Variants in ADK observed in about 807,000 individuals in gnomAD.
ADK encodes N6,N6-dimethyladenosine kinase.
A neutral mutation model predicts 44.7 loss-of-function variants in ADK; 24 were observed. The ratio of observed to expected loss-of-function variants is 0.54; its 90% CI spans 0.39 to 0.76. ADK has a LOEUF of 0.76. Ranked by LOEUF, ADK falls within the 30% of genes least tolerant of loss-of-function variation. ADK has a pLI of 0.00. For synonymous variants in ADK, 128 were observed against 142.6 expected (o/e 0.90, Z 0.73); for missense variants, 321 against 425.1 (o/e 0.76, Z 2.15).
At chr10:74,289,908 T>C (rs561055775) in intron 3 of ADK, among the ~76,000 whole-genome samples, 1 of 152,028 alleles carries the variant, frequency 6.6e-6, no homozygotes, top group East Asian at 1.9e-4. Context: ...GTAGTACACC[T>C]GAAAATCCAT....
intron 3 of ADK, among the ~76,000 whole-genome samples, chr10:74,289,187 T>A: frequency 6.6e-6 from 1 of 152,212 alleles, no homozygotes; most frequent in East Asian, 1.9e-4. Context: ...TATAGCTTCT[T>A]CTAGGAACTA....
At chr10:74,367,596 C>T (rs535217448) in intron 4 of ADK, among the ~76,000 whole-genome samples, 5 of 152,094 alleles carry the variant, frequency 3.3e-5, no homozygotes, top group Non-Finnish European at 7.3e-5. Flanking sequence ...AACCAGTACT[C>T]GGTGCTTTTG....
At chr10:74,427,786 A>G (rs1172134036) in intron 6 of ADK, among the ~76,000 whole-genome samples, 3 of 151,646 alleles carry the variant, frequency 2.0e-5, no homozygotes, top group African/African-American at 7.3e-5. Context: ...TCTTAGCTCT[A>G]TTGCTGAAAG....
At chr10:74,337,395 G>A (rs931920701) in intron 4 of ADK, among the ~76,000 whole-genome samples, 1 of 152,184 alleles carries the variant, frequency 6.6e-6, no homozygotes, top group African/African-American at 2.4e-5. Flanking sequence ...GTGGTGGGCA[G>A]AGTAGCATTC....
chr10:74,355,409 G>A lies in ADK; in HGVS notation c.274-38732G>A, dbSNP rs142391509. 2.2e-3 allele frequency among the ~76,000 whole-genome samples: 336 copies of A among 152,308 alleles called. 2 individuals carry two copies. Among genetic ancestry groups the A allele is most frequent in the African/African-American group, 7.6e-3 (316 of 41,568 alleles). The stretch of plus-strand genomic sequence containing the variant: ...CAAAATATTTCAGATAGTACATAAC[G>A]TATATACTTAGCCTTGTGCAATCAA... On this transcript the variant is annotated intron_variant, in intron 4 of 10. Coordinates refer to ENST00000539909, the MANE Select transcript of ADK (RefSeq NM_006721.4).
intron 7 of ADK, among the ~76,000 whole-genome samples, chr10:74,558,725 T>C (rs1322956586): frequency 6.6e-6 from 1 of 152,160 alleles, no homozygotes; most frequent in Non-Finnish European, 1.5e-5. Context: ...GAAAAGTAAT[T>C]TGGCTGGCTT....
intron 2 of ADK, among the ~76,000 whole-genome samples, chr10:74,206,319 A>G (rs1040665234): frequency 2.0e-5 from 3 of 152,220 alleles, no homozygotes; most frequent in Non-Finnish European, 4.4e-5. Context: ...AGTTTTATAA[A>G]AAGGTGAAAT....
intron 1 of ADK, among the ~76,000 whole-genome samples, chr10:74,198,233 G>C (rs566907392): frequency 6.6e-6 from 1 of 152,252 alleles, no homozygotes; most frequent in Non-Finnish European, 1.5e-5. Context: ...TTTGTCTGTT[G>C]ATCCTTCACC....
intron 1 of ADK, among the ~76,000 whole-genome samples, chr10:74,186,190 T>TCCTTCCCTTCCCTTCCCTTC (rs145702466): frequency 1.4e-5 from 2 of 143,668 alleles, no homozygotes; most frequent in African/African-American, 5.1e-5. Flanking sequence ...GCCTTCCCTT[T>TCCTTCCCTTCCCTTCCCTTC]CCTTCCCTTC....
intron 6 of ADK, among the ~76,000 whole-genome samples, chr10:74,459,745 A>G (rs1282678995): frequency 1.3e-5 from 2 of 151,204 alleles, no homozygotes; most frequent in Non-Finnish European, 3.0e-5. Context: ...AAAAAAAAGA[A>G]AAAAAAGAAA....
At chr10:74,521,107 G>T (rs184259253) in intron 6 of ADK, among the ~76,000 whole-genome samples, 1 of 152,116 alleles carries the variant, frequency 6.6e-6, no homozygotes, top group Admixed American at 6.5e-5. Context: ...GGAACATGTG[G>T]CCCAGCAAAG....
chr10:74,591,793 AGAAAG>A (rs757326899), intron 8 of ADK, among the ~76,000 whole-genome samples: 2 of 152,180 alleles, frequency 1.3e-5, no homozygotes, highest in Non-Finnish European at 2.9e-5. Flanking sequence ...AAAGATTAAA[AGAAAG>A]GAAAGGTGAG....
chr10:74,200,877 A>G, intron 2 of ADK, 39 bp downstream of exon 2: 1 of 1,300,330 alleles, frequency 7.7e-7, no homozygotes, highest in Non-Finnish European at 1.1e-6. Context: ...TGTGGAACTT[A>G]CATTTGAAGA....
chr10:74,463,837 G>T (rs1846258183), intron 6 of ADK, among the ~76,000 whole-genome samples: 1 of 151,934 alleles, frequency 6.6e-6, no homozygotes, highest in Non-Finnish European at 1.5e-5. Context: ...CTTAATCCTT[G>T]TAAGGGAATA....
chr10:74,700,058 A>G (rs184434382), intron 10 of ADK, among the ~76,000 whole-genome samples: 13 of 152,326 alleles, frequency 8.5e-5, no homozygotes, highest in African/African-American at 2.4e-4. Flanking sequence ...CCCTAATAAC[A>G]CAAAAATACA....
At chr10:74,640,307 C>G (rs1330108523) in intron 9 of ADK, among the ~76,000 whole-genome samples, 1 of 152,232 alleles carries the variant, frequency 6.6e-6, no homozygotes, top group African/African-American at 2.4e-5. Context: ...GGGACCTACA[C>G]AGCCTGGTTA....
At chr10:74,426,986 G>A (rs1017844162) in intron 6 of ADK, among the ~76,000 whole-genome samples, 7 of 151,946 alleles carry the variant, frequency 4.6e-5, no homozygotes, top group South Asian at 2.1e-4. Flanking sequence ...GTTCCCTTCC[G>A]TGTGTCCATG....
chr10:74,169,719 G>A (rs1249775229), intron 1 of ADK, among the ~76,000 whole-genome samples: 2 of 152,156 alleles, frequency 1.3e-5, no homozygotes, highest in African/African-American at 4.8e-5. Context: ...TTGCAGGAGA[G>A]AATTAATAGA....
At position 74,615,430 on chromosome 10, in the gene ADK, C is replaced by A. The variant is rs569108042; in HGVS notation, c.877+14937C>A. On this transcript the variant is annotated intron_variant, in intron 9 of 10. Coordinates refer to ENST00000539909, the MANE Select transcript of ADK (RefSeq NM_006721.4). ...GTGGGTTTTGACAAACACATAAGAT[C>A]ATGTAACCACCACCATAGTTATGAT... Among the ~76,000 whole-genome samples, 12 of 152,184 alleles carry A rather than the reference C, an allele frequency of 7.9e-5. No homozygotes were observed. In the East Asian group the frequency reaches 1.4e-3, roughly 17 times the overall value.
Sources: gnomAD v4.1 joint callset for allele counts (sites outside exome capture counted in the v4.1 genomes callset) on GRCh38, gnomAD v4.1.1 for gene constraint, MANE v1.5 for transcripts, NCBI Gene and HGNC (gene_info 2026-07-23, HGNC 2026-07-21) for gene names.